The following SLA2 variants were observed in gnomAD, a reference collection of about 807,000 sequenced individuals.
SLA2 encodes the protein Src like adaptor 2.
In SLA2, 22 loss-of-function variants were observed where a neutral mutation model predicts 27.3. The observed-to-expected ratio is 0.81, with a 90% CI of 0.58 to 1.15. SLA2 has a LOEUF of 1.15. Among genes scored for constraint, SLA2 ranks in the 50% most tolerant of loss-of-function variants. The probability of loss-of-function intolerance (pLI) is 0.00; values close to 1 mark genes in which losing one functional copy is unlikely to be tolerated. For synonymous variants in SLA2, 131 were observed against 137.8 expected, an observed-to-expected ratio of 0.95 and a Z score of 0.34; for missense variants, 304 against 322.2, an observed-to-expected ratio of 0.94 and a Z score of 0.43.
intron 2 of SLA2, among the ~76,000 whole-genome samples, chr20:36,638,307 G>T (rs546136224): frequency 2.6e-5 from 4 of 151,824 alleles, no homozygotes; most frequent in Non-Finnish European, 5.9e-5. Context: ...GGGAATTTAG[G>T]CAATTTATTG....
In SLA2 at chr20:36,633,641, A is replaced by T. The variant is rs754460790; in HGVS notation, c.192-12T>A. 2.5e-6 allele frequency: 4 copies of T among 1,609,786 alleles called. No individual in the cohort carries two copies. The East Asian group carries it at 8.9e-5, about 36-fold the overall frequency. On this transcript the variant is annotated splice_polypyrimidine_tract_variant and intron_variant, in intron 3 of 7. Coordinates refer to ENST00000262866, the MANE Select transcript of SLA2 (RefSeq NM_032214.4). ...ACCAGTCTCCATCCCTGGAGAGAGA[A>T]AGGAGTGGGGGCACCTCTTTCAGAT... is the stretch of plus-strand genomic sequence containing the variant.
chr20:36,614,155 C>G, intron 7 of SLA2, 150 bp downstream of exon 7: 1 of 1,467,184 alleles, frequency 6.8e-7, no homozygotes, highest in Non-Finnish European at 9.4e-7. Flanking sequence ...CGAGCCTGGG[C>G]CGTGCTCCAG....
chr20:36,623,266 CAAAAA>C (rs776399343), intron 5 of SLA2, among the ~76,000 whole-genome samples: 31 of 52,112 alleles, frequency 5.9e-4, no homozygotes, highest in East Asian at 1.6e-3. Context: ...CATTACATCT[CAAAAA>C]AAAAAAAAAA....
Position 36,613,811 on chromosome 20 carries a change from G to A in SLA2, c.*55C>T. On this transcript the variant is annotated 3_prime_UTR_variant, in exon 8 of 8. Coordinates refer to ENST00000262866, the MANE Select transcript of SLA2 (RefSeq NM_032214.4). ...TTGCCTCTGGGGTGCCCAGGAGGCTGAATTGGGGTTCTAGGTGTGCAGCCT... is the reference window on the plus strand; with the variant it reads ...TTGCCTCTGGGGTGCCCAGGAGGCTAAATTGGGGTTCTAGGTGTGCAGCCT... The A allele has an allele frequency of 7.7e-6, 12 of 1,564,362 alleles. No homozygotes were observed. In the South Asian group the frequency reaches 9.3e-5, roughly 12 times the overall value.
At chr20:36,629,962 G>A (rs940407257) in intron 5 of SLA2, among the ~76,000 whole-genome samples, 2 of 151,578 alleles carry the variant, frequency 1.3e-5, no homozygotes, top group Admixed American at 6.6e-5. Flanking sequence ...GTCTCCATAC[G>A]GCTTTCTCTT....
intron 5 of SLA2, among the ~76,000 whole-genome samples, chr20:36,628,989 A>G (rs1225880334): frequency 6.6e-6 from 1 of 151,998 alleles, no homozygotes; most frequent in African/African-American, 2.4e-5. Flanking sequence ...TTTGATAACA[A>G]TAGCTGCATC....
chr20:36,635,930 C>A (rs1353100884), intron 2 of SLA2, among the ~76,000 whole-genome samples: 1 of 151,992 alleles, frequency 6.6e-6, no homozygotes, highest in Non-Finnish European at 1.5e-5. Context: ...CCTTCCCTGA[C>A]CAACCACCTC....
At chr20:36,621,508 C>T (rs2039282472) in intron 5 of SLA2, 5 of 286,030 alleles carry the variant, frequency 1.7e-5, no homozygotes, top group South Asian at 1.5e-4. Flanking sequence ...GTGGCGCGAT[C>T]TCGGCTCACT....
In SLA2 at chr20:36,614,859, T is replaced by C. The variant is rs529668502; in HGVS notation, c.532+366A>G. Reference sequence around the variant, plus strand: ...AGTGACTGCATCTTCCAGTGTCTGTTGAAGGACAGGCACCAGGAAGTACTA... The same window carrying C: ...AGTGACTGCATCTTCCAGTGTCTGTCGAAGGACAGGCACCAGGAAGTACTA... On this transcript the variant is annotated intron_variant, in intron 6 of 7. Coordinates refer to ENST00000262866, the MANE Select transcript of SLA2 (RefSeq NM_032214.4). 23 of 985,368 alleles carry C rather than the reference T, an allele frequency of 2.3e-5. No homozygotes were observed. The African/African-American group carries it at 3.8e-4, about 16-fold the overall frequency. 61.0% of individuals were successfully genotyped at this position (985,368 alleles called of 1,614,324 possible).
intron 5 of SLA2, among the ~76,000 whole-genome samples, chr20:36,628,127 CA>C (rs1488964760): frequency 6.6e-6 from 1 of 152,134 alleles, no homozygotes; most frequent in Non-Finnish European, 1.5e-5. Flanking sequence ...CCTCTGCCCC[CA>C]AAAGTCTGAT....
chr20:36,645,116 G>A (rs1373794393), intron 1 of SLA2, among the ~76,000 whole-genome samples: 1 of 151,922 alleles, frequency 6.6e-6, no homozygotes, highest in Non-Finnish European at 1.5e-5. Context: ...GAGACAGGAG[G>A]ATTGCTTGAG....
intron 5 of SLA2, among the ~76,000 whole-genome samples, chr20:36,623,077 T>C (rs1472021328): frequency 1.3e-5 from 2 of 152,118 alleles, no homozygotes; most frequent in East Asian, 1.9e-4. Flanking sequence ...AAGACCAGCC[T>C]GGCCAACATG....
chr20:36,619,662 G>A (rs1438694916), intron 5 of SLA2, among the ~76,000 whole-genome samples: 4 of 144,690 alleles, frequency 2.8e-5, no homozygotes, highest in Admixed American at 1.4e-4. Context: ...ACAGAGTCTC[G>A]CTCTCTCACC....
At chr20:36,615,478 G>A in intron 5 of SLA2, 104 bp from the exon 6 acceptor site, 1 of 1,301,550 alleles carries the variant, frequency 7.7e-7, no homozygotes, top group Non-Finnish European at 1.1e-6. Context: ...GGCCCCGGCA[G>A]AAGGGAAGTG....
intron 3 of SLA2, 66 bp from the exon 4 acceptor site, chr20:36,633,695 A>G: frequency 7.5e-7 from 1 of 1,335,082 alleles, no homozygotes; most frequent in Non-Finnish European, 1.1e-6. Flanking sequence ...CCACACATTC[A>G]GGGCTTGCAA....
intron 5 of SLA2, among the ~76,000 whole-genome samples, chr20:36,626,377 C>T (rs74736339): frequency 0.048 from 7,057 of 148,322 alleles, 247 homozygotes; most frequent in Admixed American, 0.1. Context: ...AATGACAGAA[C>T]GAGACTCCGT....
intron 2 of SLA2, among the ~76,000 whole-genome samples, chr20:36,639,396 T>TACACACACACACAC (rs72401143): frequency 6.8e-6 from 1 of 146,742 alleles, no homozygotes; most frequent in South Asian, 2.2e-4. Context: ...AAAAAATCTC[T>TACACACACACACAC]ACACACACAC....
At chr20:36,621,869 A>G (rs1350938579) in intron 5 of SLA2, among the ~76,000 whole-genome samples, 4 of 151,950 alleles carry the variant, frequency 2.6e-5, no homozygotes, top group Admixed American at 2.6e-4. Flanking sequence ...TTTAAAAATT[A>G]ACCAGGCATG....
intron 5 of SLA2, 75 bp downstream of exon 5, chr20:36,632,520 G>T: frequency 8.5e-7 from 1 of 1,176,590 alleles, no homozygotes; most frequent in South Asian, 1.2e-5. Flanking sequence ...GGCCGCACCT[G>T]CAGCCATATA....
Sources: gnomAD v4.1 joint callset for allele counts (sites outside exome capture counted in the v4.1 genomes callset) on GRCh38, gnomAD v4.1.1 for gene constraint, MANE v1.5 for transcripts, NCBI Gene and HGNC (gene_info 2026-07-23, HGNC 2026-07-21) for gene names.